SBF1: variants seen among roughly 807,000 people sequenced by gnomAD.
SBF1 encodes SET binding factor 1.
In SBF1, 65 loss-of-function variants were observed where a neutral mutation model predicts 215.8. The ratio of observed to expected loss-of-function variants is 0.30; its 90% CI spans 0.25 to 0.37. The LOEUF is 0.37. SBF1 is among the 10% of genes least tolerant of loss of function. The probability of loss-of-function intolerance (pLI) is 1.00; values close to 1 mark genes in which losing one functional copy is unlikely to be tolerated. For synonymous variants in SBF1, 1,410 were observed against 1,122.8 expected (o/e 1.26, Z -5.11); for missense variants, 2,634 against 2,667.8 (o/e 0.99, Z 0.28).
Position 50,459,576 on chromosome 22 carries a change from C to G in SBF1, c.3582G>C (p.Val1194=). 6.2e-7 allele frequency: 1 copy of G among 1,609,570 alleles called. No homozygotes were observed. Among genetic ancestry groups the G allele is most frequent in the South Asian group, 1.1e-5 (1 of 90,884 alleles). ...TGGACCGCCCGCTGCGCCAGCAGAC[C>G]ACGGGGAAGCGGTTCTGGCGGTAGC... ...SRCYRQNRFP[V]VCWRSGRSKA... is the part of the protein sequence containing the mutation. The change falls in exon 27 of 41, where the codon GTG becomes GTC. Residue 1194 remains valine (V), a synonymous_variant. Coordinates refer to ENST00000380817, the MANE Select transcript of SBF1 (RefSeq NM_002972.4).
Position 50,460,552 on chromosome 22 carries a change from T to C in SBF1, c.3128A>G (p.Asp1043Gly). ...TCCATACCTGAGGGAAGGACCCTTG[T>C]CCTTGGTGACTCGCGGTGGCCGGCC... The part of the protein sequence containing the change: ...TPGRPPRVTK[D>G]KGPSLRTLSR... Residue 1043 changes from aspartate to glycine, a missense_variant, in exon 24 of 41, where the codon GAC (aspartate) becomes GGC (glycine). By Grantham distance (94) the Asp-to-Gly change is moderately conservative. Coordinates refer to ENST00000380817, the MANE Select transcript of SBF1 (RefSeq NM_002972.4). The C allele has an allele frequency of 6.2e-7, 1 of 1,614,064 alleles. No individual in the cohort carries two copies. The highest frequency in any genetic ancestry group is 1.1e-5 in the South Asian group (1 of 91,080).
rs757498784 is a variant in SBF1, at chr22:50,468,326, C to T, written c.141+50G>A. The T allele has an allele frequency of 2.6e-6, 4 of 1,534,726 alleles. No homozygotes were observed. In the East Asian group the frequency reaches 6.9e-5, roughly 26 times the overall value. On this transcript the variant is annotated intron_variant, in intron 2 of 40. Transcript: ENST00000380817. ...TCAGGGACAAGGGCAGGGCTGTGCC[C>T]ACCTGCCCTCCCCACCTGCCAGCAC...
In SBF1 at chr22:50,466,482, C is replaced by T; in HGVS notation, c.656G>A (p.Gly219Asp). ...GAACAAAGACAGCACGTTGGTGATG[C>T]CTAAAGGAAGAAGAGAAGCTTGGAG... Reference protein sequence around the residue: ...CSVALLFRQLGITNVLSLFCA... With the variant: ...CSVALLFRQLDITNVLSLFCA... The change falls in exon 7 of 41, where the codon GGC becomes GAC. Residue 219 changes from glycine to aspartate, a missense_variant and splice_region_variant. By Grantham distance (94) the Gly-to-Asp change is moderately conservative. Transcript: ENST00000380817. 6.5e-7 allele frequency: 1 copy of T among 1,542,604 alleles called. No homozygotes were observed. Among genetic ancestry groups the T allele is most frequent in the Non-Finnish European group, 8.8e-7 (1 of 1,140,522 alleles).
At chr22:50,461,764 G>A (rs1569512282) in intron 21 of SBF1, 32 bp downstream of exon 21, 4 of 1,611,486 alleles carry the variant, frequency 2.5e-6, no homozygotes, top group East Asian at 4.5e-5. Flanking sequence ...CCCGGGCCTT[G>A]GGCCCCCGCA....
At chr22:50,466,329 G>C in intron 7 of SBF1, 21 bp downstream of exon 7, 1 of 1,596,128 alleles carries the variant, frequency 6.3e-7, no homozygotes, top group East Asian at 2.3e-5. Flanking sequence ...GAAGGGGCTG[G>C]GAGGGCCGGG....
At chr22:50,455,189 A>C (rs1456201698) in intron 33 of SBF1, 35 bp downstream of exon 33, 2 of 1,613,444 alleles carry the variant, frequency 1.2e-6, no homozygotes. Context: ...GTCAGGGTGC[A>C]CAGTCCCGGC....
intron 36 of SBF1, among the ~76,000 whole-genome samples, chr22:50,453,535 C>T (rs1336914752): frequency 6.6e-6 from 1 of 152,220 alleles, no homozygotes; most frequent in East Asian, 1.9e-4. Flanking sequence ...CGCCTGTAAT[C>T]CCAGCACTTT....
chr22:50,452,749 A>C (rs905742051), intron 36 of SBF1, among the ~76,000 whole-genome samples: 9 of 145,526 alleles, frequency 6.2e-5, no homozygotes, highest in Admixed American at 2.1e-4. Context: ...AAAAAAAAAA[A>C]AACCATACTG....
At position 50,455,295 on chromosome 22, in the gene SBF1, C is replaced by T. The variant is rs2067204203; in HGVS notation, c.4483G>A (p.Ala1495Thr). The change falls in exon 33 of 41, where the codon GCT (alanine) becomes ACT (threonine). Residue 1495 changes from alanine (A) to threonine (T), a missense_variant. By Grantham distance (58) the Ala-to-Thr change is moderately conservative. Coordinates refer to ENST00000380817, the MANE Select transcript of SBF1 (RefSeq NM_002972.4). ...SFGHRFSHRG[A>T]HTLAGQSSGF... ...CTGCTCTGCCCGGCCAGGGTGTGAG[C>T]TCCACGGTGGCTGAAGCGATGGCCG... The T allele has an allele frequency of 6.2e-7, 1 of 1,613,476 alleles. No individual in the cohort carries two copies. Among genetic ancestry groups the T allele is most frequent in the East Asian group, 2.2e-5 (1 of 44,876 alleles).
chr22:50,448,320 C>T lies in SBF1; in HGVS notation c.5276G>A (p.Gly1759Asp). Residue 1759 changes from glycine to aspartate, a missense_variant, in exon 38 of 41, where the codon GGC (glycine) becomes GAC (aspartate). Physicochemically the swap from Gly to Asp is moderately conservative, Grantham distance 94. Coordinates refer to ENST00000380817, the MANE Select transcript of SBF1 (RefSeq NM_002972.4). Reference sequence around the variant, plus strand: ...CTGACGGGAGCCGGATGTGGTTGAGCCACTACTCTGGTCGCTGTCCAGGCT... The same window carrying T: ...CTGACGGGAGCCGGATGTGGTTGAGTCACTACTCTGGTCGCTGTCCAGGCT... ...SLSLDSDQSS[G>D]STTSGSRQAA... 1 of 1,613,662 alleles carries T rather than the reference C, an allele frequency of 6.2e-7. No homozygotes were observed. Among genetic ancestry groups the T allele is most frequent in the Non-Finnish European group, 8.5e-7 (1 of 1,180,022 alleles).
rs1443967997 is a variant in SBF1 at position 50,458,290 on chromosome 22, G to A, written c.3826+965C>T. 2.0e-4 allele frequency among the ~76,000 whole-genome samples: 23 copies of A among 114,062 alleles called. No homozygotes were observed. In the Admixed American group the frequency reaches 2.6e-3, roughly 13 times the overall value. 74.8% of individuals were successfully genotyped at this position (114,062 alleles called of 152,430 possible). On this transcript the variant is annotated intron_variant, in intron 28 of 40. Coordinates refer to ENST00000380817, the MANE Select transcript of SBF1 (RefSeq NM_002972.4). ...ACCGCACTCCAGCGTGGGTGACAGA[G>A]AAAGACTCCGACTCAAAAAAAAAAA...
chr22:50,462,936 G>C lies in SBF1; in HGVS notation c.1902C>G (p.Asp634Glu). ...VVRMMNCCLQ[D>E]CTSLDEHGIA... Reference sequence around the variant, plus strand: ...TGCCATGCTCGTCCAGAGAAGTGCAGTCCTGCAGGTAGAGCGAGAGACCGT... The same window carrying C: ...TGCCATGCTCGTCCAGAGAAGTGCACTCCTGCAGGTAGAGCGAGAGACCGT... Residue 634 changes from aspartate (D) to glutamate (E), a missense_variant and splice_region_variant, in exon 17 of 41, where the codon GAC (aspartate) becomes GAG (glutamate). Coordinates refer to ENST00000380817, the MANE Select transcript of SBF1 (RefSeq NM_002972.4). 1 of 1,612,548 alleles carries C rather than the reference G, an allele frequency of 6.2e-7. No homozygotes were observed. Among genetic ancestry groups the C allele is most frequent in the Non-Finnish European group, 8.5e-7 (1 of 1,179,654 alleles).
Position 50,461,953 on chromosome 22 carries a change from CCAT to C in SBF1, c.2560_2562del (p.Met854del). ...CCAGCCCAAACCCCCGTACCTGGCA[CCAT>C]GACATGCAGCCCCTTGAGGTGGTCG... On this transcript the variant is annotated inframe_deletion, in exon 20 of 41. Coordinates refer to ENST00000380817, the MANE Select transcript of SBF1 (RefSeq NM_002972.4). 1.2e-6 allele frequency: 2 copies of C among 1,614,180 alleles called. No individual in the cohort carries two copies. The highest frequency in any genetic ancestry group is 1.7e-6 in the Non-Finnish European group (2 of 1,179,986).
rs1414893001 is a variant in SBF1 at position 50,462,927 on chromosome 22, A to C, written c.1911T>G (p.Ser637=). The change falls in exon 17 of 41, where the codon TCT becomes TCG. Residue 637 remains serine, a synonymous_variant. Coordinates refer to ENST00000380817, the MANE Select transcript of SBF1 (RefSeq NM_002972.4). ...CCGCCGCAATGCCATGCTCGTCCAGAGAAGTGCAGTCCTGCAGGTAGAGCG... is the reference window on the plus strand; with the variant it reads ...CCGCCGCAATGCCATGCTCGTCCAGCGAAGTGCAGTCCTGCAGGTAGAGCG... The part of the protein sequence containing the change: ...MMNCCLQDCT[S]LDEHGIAAAL... 2 of 1,613,058 alleles carry C rather than the reference A, an allele frequency of 1.2e-6. No homozygotes were observed. The highest frequency in any genetic ancestry group is 1.7e-6 in the Non-Finnish European group (2 of 1,179,844).
At chr22:50,452,829 C>T (rs2067101491) in intron 36 of SBF1, among the ~76,000 whole-genome samples, 1 of 148,990 alleles carries the variant, frequency 6.7e-6, no homozygotes, top group Non-Finnish European at 1.5e-5. Context: ...AATGGACACA[C>T]ACTGCCGTAA....
chr22:50,472,309 G>A (rs2068024441), intron 1 of SBF1, among the ~76,000 whole-genome samples: 1 of 152,186 alleles, frequency 6.6e-6, no homozygotes, highest in Non-Finnish European at 1.5e-5. Context: ...TGCACCCTCA[G>A]CACCCTGGTG....
intron 35 of SBF1, 23 bp from the exon 36 acceptor site, chr22:50,454,765 G>C (rs1426356692): frequency 6.3e-7 from 1 of 1,593,140 alleles, no homozygotes; most frequent in Non-Finnish European, 8.5e-7. Context: ...CTGTGGTTGA[G>C]GACCTGGGTC....
At position 50,465,807 on chromosome 22, in the gene SBF1, C is replaced by T. The variant is rs767336585; in HGVS notation, c.1045G>A (p.Ala349Thr). The stretch of plus-strand genomic sequence containing the variant: ...GTGGATGTCGTGGGCGGAGGGAAGG[C>T]GAGGTCAGCCAACTCCAGCTCCGGG... ...LDPELELADL[A>T]FPPPTTSTSS... Residue 349 changes from alanine to threonine, a missense_variant, in exon 10 of 41, where the codon GCC (alanine) becomes ACC (threonine). Coordinates refer to ENST00000380817, the MANE Select transcript of SBF1 (RefSeq NM_002972.4). 5 of 1,611,588 alleles carry T rather than the reference C, an allele frequency of 3.1e-6. No individual in the cohort carries two copies. Among genetic ancestry groups the T allele is most frequent in the East Asian group, 2.2e-5 (1 of 44,866 alleles).
intron 28 of SBF1, chr22:50,457,389 A>G (rs1263784102): frequency 2.5e-6 from 1 of 393,102 alleles, no homozygotes; most frequent in Non-Finnish European, 4.5e-6. Context: ...CTTCCCACTC[A>G]AACCAGCTTA....
Sources: gnomAD v4.1 joint callset for allele counts (sites outside exome capture counted in the v4.1 genomes callset) on GRCh38, gnomAD v4.1.1 for gene constraint, MANE v1.5 for transcripts, NCBI Gene and HGNC (gene_info 2026-07-23, HGNC 2026-07-21) for gene names.